HMCN1: variants seen among roughly 807,000 people sequenced by gnomAD.
The protein encoded by HMCN1 is hemicentin 1, also known as hemicentin-1.
In HMCN1, 321 loss-of-function variants were observed where a neutral mutation model predicts 625.9. The ratio of observed to expected loss-of-function variants is 0.51; its 90% CI spans 0.47 to 0.56. HMCN1 has a LOEUF of 0.56. Among genes scored for constraint, HMCN1 ranks in the 20% least tolerant of loss-of-function variants. The pLI is 0.00. For missense variants in HMCN1, 6,588 were observed against 6,887.3 expected (o/e 0.96, Z 1.54); for synonymous variants, 2,425 against 2,417.6 (o/e 1.00, Z -0.09).
intron 6 of HMCN1, among the ~76,000 whole-genome samples, chr1:185,914,813 T>C (rs1208320295): frequency 7.2e-5 from 11 of 152,094 alleles, no homozygotes; most frequent in Admixed American, 7.2e-4. Context: ...ATATCATTTT[T>C]ATTTCTGTAC....
intron 92 of HMCN1, 64 bp from the exon 93 acceptor site, chr1:186,145,689 A>G: frequency 1.2e-6 from 2 of 1,612,756 alleles, no homozygotes; most frequent in Non-Finnish European, 1.7e-6. Flanking sequence ...GGGCACCCCA[A>G]GTATAGATTA....
chr1:186,076,261 G>T (rs899055613), intron 53 of HMCN1, among the ~76,000 whole-genome samples, 167 bp from the exon 54 acceptor site: 3 of 152,100 alleles, frequency 2.0e-5, no homozygotes, highest in African/African-American at 7.2e-5. Context: ...CGACTTTCGT[G>T]TACTACTTTT....
At chr1:186,099,833 C>T (rs1218135487) in intron 68 of HMCN1, among the ~76,000 whole-genome samples, 1 of 152,110 alleles carries the variant, frequency 6.6e-6, no homozygotes, top group East Asian at 1.9e-4. Flanking sequence ...AGAGACAAGA[C>T]AAGAACTATA....
At chr1:185,941,531 C>T (rs945611983) in intron 11 of HMCN1, among the ~76,000 whole-genome samples, 2 of 152,032 alleles carry the variant, frequency 1.3e-5, no homozygotes, top group African/African-American at 4.8e-5. Flanking sequence ...TCTTTCTGAA[C>T]CAAAATGAGG....
At chr1:186,032,546 C>T (rs780908607) in intron 36 of HMCN1, among the ~76,000 whole-genome samples, 18 of 152,058 alleles carry the variant, frequency 1.2e-4, no homozygotes, top group Non-Finnish European at 2.2e-4. Context: ...CCCACCTTTG[C>T]TCTGCACTGC....
intron 36 of HMCN1, 97 bp from the exon 37 acceptor site, chr1:186,037,834 AAAG>A (rs1210807960): frequency 1.8e-5 from 14 of 762,322 alleles, no homozygotes; most frequent in Non-Finnish European, 2.8e-5. Context: ...TATGTGAAAA[AAAG>A]AAGAGAGGAA....
intron 69 of HMCN1, among the ~76,000 whole-genome samples, chr1:186,106,081 G>A (rs1450301115): frequency 9.9e-5 from 15 of 152,148 alleles, no homozygotes; most frequent in Non-Finnish European, 2.2e-4. Context: ...AACCTCTAAA[G>A]TCAGTTTGAA....
intron 1 of HMCN1, among the ~76,000 whole-genome samples, chr1:185,799,480 C>T (rs1658637833): frequency 6.6e-6 from 1 of 152,174 alleles, no homozygotes; most frequent in African/African-American, 2.4e-5. Flanking sequence ...CTCCCAATGG[C>T]AGACACAAGG....
chr1:185,957,340 G>A (rs1211223612), intron 11 of HMCN1, among the ~76,000 whole-genome samples: 1 of 152,156 alleles, frequency 6.6e-6, no homozygotes, highest in Non-Finnish European at 1.5e-5. Context: ...ATAGGCTAAA[G>A]CAATTTGTCA....
chr1:185,744,349 A>G (rs913987766), intron 1 of HMCN1, among the ~76,000 whole-genome samples: 1 of 152,138 alleles, frequency 6.6e-6, no homozygotes, highest in Non-Finnish European at 1.5e-5. Context: ...GTTCAGTTAT[A>G]TAACGACTAT....
chr1:185,825,084 T>A (rs571999478), intron 1 of HMCN1, among the ~76,000 whole-genome samples: 2 of 152,138 alleles, frequency 1.3e-5, no homozygotes, highest in African/African-American at 2.4e-5. Context: ...TTGTTCAGAA[T>A]GTTGTTAAGA....
At chr1:186,189,229 G>T (rs2102686339) in intron 106 of HMCN1, among the ~76,000 whole-genome samples, 1 of 152,192 alleles carries the variant, frequency 6.6e-6, no homozygotes, top group South Asian at 2.1e-4. Context: ...TCATTTTAAA[G>T]AAAATACTCT....
chr1:185,766,424 A>G (rs981048518), intron 1 of HMCN1, among the ~76,000 whole-genome samples: 1 of 152,132 alleles, frequency 6.6e-6, no homozygotes, highest in African/African-American at 2.4e-5. Flanking sequence ...TTCTCCCTGA[A>G]TAAAGCTGAG....
rs1649708224 is a variant in HMCN1 at position 186,137,828 on chromosome 1, C to G, written c.13780C>G (p.Leu4594Val). The change falls in exon 89 of 107, where the codon CTT becomes GTT. Residue 4594 changes from leucine (L) to valine (V), a missense_variant. Coordinates refer to ENST00000271588, the MANE Select transcript of HMCN1 (RefSeq NM_031935.3). Reference protein sequence around the residue: ...PVDGSWSEWSLWEECTRSCGR... With the variant: ...PVDGSWSEWSVWEECTRSCGR... Reference sequence around the variant, plus strand: ...GGATGGTAGCTGGTCGGAATGGAGTCTTTGGGAAGAATGCACAAGGAGCTG... The same window carrying G: ...GGATGGTAGCTGGTCGGAATGGAGTGTTTGGGAAGAATGCACAAGGAGCTG... 6.2e-7 allele frequency: 1 copy of G among 1,613,900 alleles called. No individual in the cohort carries two copies. The highest frequency in any genetic ancestry group is 8.5e-7 in the Non-Finnish European group (1 of 1,179,972).
intron 4 of HMCN1, among the ~76,000 whole-genome samples, chr1:185,875,002 A>G (rs1476362695): frequency 6.6e-6 from 1 of 151,860 alleles, no homozygotes; most frequent in African/African-American, 2.4e-5. Context: ...AATGAATACA[A>G]TAAATTTAAA....
intron 85 of HMCN1, among the ~76,000 whole-genome samples, 165 bp downstream of exon 85, chr1:186,130,862 T>G (rs1433696076): frequency 6.6e-6 from 1 of 152,218 alleles, no homozygotes; most frequent in Non-Finnish European, 1.5e-5. Context: ...AAATAGATAT[T>G]TTAGCCCTTT....
At chr1:185,837,639 T>C (rs1439195776) in intron 1 of HMCN1, among the ~76,000 whole-genome samples, 2 of 152,194 alleles carry the variant, frequency 1.3e-5, no homozygotes, top group Admixed American at 6.5e-5. Flanking sequence ...TGATATATAT[T>C]CTTTTATATA....
At chr1:186,096,687 A>G (rs1187078976) in intron 68 of HMCN1, among the ~76,000 whole-genome samples, 2 of 152,166 alleles carry the variant, frequency 1.3e-5, no homozygotes, top group East Asian at 1.9e-4. Context: ...TATTGAAAAG[A>G]TCATTCACTC....
chr1:185,975,908 GCA>G (rs1558109789), intron 15 of HMCN1, among the ~76,000 whole-genome samples: 1 of 149,448 alleles, frequency 6.7e-6, no homozygotes, highest in Non-Finnish European at 1.5e-5. Flanking sequence ...ACACACACAC[GCA>G]CACACACACT....
Sources: allele counts gnomAD v4.1 joint callset (sites outside exome capture counted in the v4.1 genomes callset), GRCh38; gene constraint gnomAD v4.1.1; transcripts MANE v1.5; gene names NCBI Gene and HGNC (gene_info 2026-07-23, HGNC 2026-07-21).